The following PTPRM variants were observed in gnomAD, a reference collection of about 807,000 sequenced individuals.
PTPRM encodes the protein protein tyrosine phosphatase receptor type M, also known as receptor-type tyrosine-protein phosphatase mu.
PTPRM carries 47 observed loss-of-function variants against 186.7 expected under a neutral mutation model. The observed-to-expected ratio is 0.25, with a 90% CI of 0.20 to 0.32. The LOEUF is 0.32. Among genes scored for constraint, PTPRM ranks in the 10% least tolerant of loss-of-function variants. The probability of loss-of-function intolerance (pLI) is 1.00; values close to 1 mark genes in which losing one functional copy is unlikely to be tolerated. For synonymous variants in PTPRM, 668 were observed against 674.9 expected (o/e 0.99, Z 0.16); for missense variants, 1,494 against 1,865.0 (o/e 0.80, Z 3.66).
At chr18:7,762,803 C>A (rs1176032111) in intron 1 of PTPRM, among the ~76,000 whole-genome samples, 1 of 152,166 alleles carries the variant, frequency 6.6e-6, no homozygotes, top group Non-Finnish European at 1.5e-5. Flanking sequence ...GGCAGTCACT[C>A]AGCCAATATA....
At chr18:7,711,032 G>A (rs2040201370) in intron 1 of PTPRM, among the ~76,000 whole-genome samples, 1 of 152,112 alleles carries the variant, frequency 6.6e-6, no homozygotes, top group South Asian at 2.1e-4. Context: ...GGTTGGGGGG[G>A]AATCTCTCAA....
chr18:7,912,637 G>C (rs997746985), intron 4 of PTPRM, among the ~76,000 whole-genome samples: 3 of 151,442 alleles, frequency 2.0e-5, no homozygotes, highest in African/African-American at 7.3e-5. Flanking sequence ...TCAGCCTCTC[G>C]AGTAGTTGGG....
At chr18:7,790,272 A>G (rs2043277267) in intron 2 of PTPRM, among the ~76,000 whole-genome samples, 1 of 152,222 alleles carries the variant, frequency 6.6e-6, no homozygotes, top group Non-Finnish European at 1.5e-5. Context: ...TATTTTCTTT[A>G]GAGACATATT....
At chr18:8,136,167 A>G (rs892477545) in intron 13 of PTPRM, among the ~76,000 whole-genome samples, 2 of 152,326 alleles carry the variant, frequency 1.3e-5, no homozygotes, top group African/African-American at 4.8e-5. Flanking sequence ...ACCTTCAAGA[A>G]TCATCTGTTT....
At chr18:7,990,681 G>A (rs1340044053) in intron 7 of PTPRM, among the ~76,000 whole-genome samples, 1 of 152,166 alleles carries the variant, frequency 6.6e-6, no homozygotes, top group Admixed American at 6.5e-5. Flanking sequence ...TTAAACAGAG[G>A]AGGTATACAT....
chr18:8,264,420 T>C lies in PTPRM; in HGVS notation c.2754+11006T>C, dbSNP rs1261805193. On this transcript the variant is annotated intron_variant, in intron 19 of 32. Coordinates refer to ENST00000580170, the MANE Select transcript of PTPRM (RefSeq NM_001105244.2). Reference sequence around the variant, plus strand: ...AAGTCTTGCTTGGCTGCTAGAACTTTCATGATGTTGAGGGTACCTGCCCTT... The same window carrying C: ...AAGTCTTGCTTGGCTGCTAGAACTTCCATGATGTTGAGGGTACCTGCCCTT... Among the ~76,000 whole-genome samples the C allele has an allele frequency of 3.3e-5, 5 of 150,722 alleles. 1 individual carries two copies. The highest frequency in any genetic ancestry group is 6.8e-3 in the Middle Eastern group (2 of 292).
chr18:8,314,621 A>G (rs1436584796), intron 20 of PTPRM, among the ~76,000 whole-genome samples, 160 bp from the exon 21 acceptor site: 1 of 152,254 alleles, frequency 6.6e-6, no homozygotes, highest in Non-Finnish European at 1.5e-5. Context: ...CAATTTTAAT[A>G]GCAAAATGGG....
intron 7 of PTPRM, among the ~76,000 whole-genome samples, chr18:7,988,645 A>C (rs1470323): frequency 0.64 from 97,675 of 152,040 alleles, 31,730 homozygotes; most frequent in African/African-American, 0.74. Context: ...GTATCTCATA[A>C]AAGTGGAATC....
chr18:7,966,238 T>C (rs1248337270), intron 7 of PTPRM, among the ~76,000 whole-genome samples: 1 of 152,174 alleles, frequency 6.6e-6, no homozygotes, highest in African/African-American at 2.4e-5. Context: ...ATACCTGTTA[T>C]TAAAATAGAA....
At chr18:7,581,754 C>T (rs2036851839) in intron 1 of PTPRM, among the ~76,000 whole-genome samples, 1 of 151,154 alleles carries the variant, frequency 6.6e-6, no homozygotes, top group Non-Finnish European at 1.5e-5. Context: ...ATCTCAGGCT[C>T]AAGTGATCCA....
intron 2 of PTPRM, among the ~76,000 whole-genome samples, chr18:7,782,171 A>G (rs1416829689): frequency 6.6e-6 from 1 of 152,192 alleles, no homozygotes; most frequent in African/African-American, 2.4e-5. Flanking sequence ...ACTTAGTGAA[A>G]CACCACAGGC....
rs535933778 is a variant in PTPRM at position 7,678,053 on chromosome 18, G to C, written c.74-96096G>C. Reference sequence around the variant, plus strand: ...AGGACTGAATGAAGGAGTCATAGGGGCTCTGTGTGTATTTGTGGAATGAAA... The same window carrying C: ...AGGACTGAATGAAGGAGTCATAGGGCCTCTGTGTGTATTTGTGGAATGAAA... On this transcript the variant is annotated intron_variant, in intron 1 of 32. Coordinates refer to ENST00000580170, the MANE Select transcript of PTPRM (RefSeq NM_001105244.2). 3.9e-5 allele frequency among the ~76,000 whole-genome samples: 6 copies of C among 152,190 alleles called. No homozygotes were observed. The South Asian group carries it at 1.2e-3, about 32-fold the overall frequency.
intron 2 of PTPRM, among the ~76,000 whole-genome samples, chr18:7,803,303 T>A (rs964686321): frequency 6.6e-6 from 1 of 152,156 alleles, no homozygotes; most frequent in Non-Finnish European, 1.5e-5. Context: ...TCCTTACTTT[T>A]TCCAGCTTAC....
At chr18:8,356,435 A>G (rs2148357849) in intron 23 of PTPRM, among the ~76,000 whole-genome samples, 1 of 152,270 alleles carries the variant, frequency 6.6e-6, no homozygotes, top group Non-Finnish European at 1.5e-5. Context: ...CTTACAAGAG[A>G]TGACATCTTT....
intron 2 of PTPRM, among the ~76,000 whole-genome samples, chr18:7,870,581 A>C (rs2047933730): frequency 6.6e-6 from 1 of 152,164 alleles, no homozygotes; most frequent in Non-Finnish European, 1.5e-5. Flanking sequence ...GTGTAACTGA[A>C]AGATACCTTA....
chr18:8,128,161 G>A (rs2092418439), intron 13 of PTPRM, among the ~76,000 whole-genome samples: 1 of 152,128 alleles, frequency 6.6e-6, no homozygotes, highest in South Asian at 2.1e-4. Flanking sequence ...AATAAAAGAT[G>A]GCTAAACTCT....
intron 2 of PTPRM, among the ~76,000 whole-genome samples, chr18:7,795,460 G>T: frequency 6.7e-6 from 1 of 148,972 alleles, no homozygotes; most frequent in African/African-American, 2.5e-5. Context: ...AATTAATTGT[G>T]CTTGTTCTGG....
At chr18:8,159,562 T>A (rs941512030) in intron 14 of PTPRM, among the ~76,000 whole-genome samples, 1 of 152,226 alleles carries the variant, frequency 6.6e-6, no homozygotes, top group Non-Finnish European at 1.5e-5. Flanking sequence ...TGTGATGACT[T>A]AGGCAGCACC....
At chr18:8,150,806 T>C (rs576217650) in intron 14 of PTPRM, among the ~76,000 whole-genome samples, 1 of 152,328 alleles carries the variant, frequency 6.6e-6, no homozygotes, top group African/African-American at 2.4e-5. Context: ...GTCTTTGATG[T>C]TGGTGACCTT....
Sources: gnomAD v4.1 joint callset for allele counts (sites outside exome capture counted in the v4.1 genomes callset) on GRCh38, gnomAD v4.1.1 for gene constraint, MANE v1.5 for transcripts, NCBI Gene and HGNC (gene_info 2026-07-23, HGNC 2026-07-21) for gene names.